The following UNC13C variants were observed in gnomAD, a reference collection of about 807,000 sequenced individuals.
The protein encoded by UNC13C is protein unc-13 homolog C.
UNC13C carries 174 observed loss-of-function variants against 245.4 expected under a neutral mutation model. The ratio of observed to expected loss-of-function variants is 0.71; its 90% CI spans 0.63 to 0.80. UNC13C has a LOEUF of 0.80. Ranked by LOEUF, UNC13C falls within the 30% of genes least tolerant of loss-of-function variation. The probability of loss-of-function intolerance (pLI) is 0.00; values close to 1 mark genes in which losing one functional copy is unlikely to be tolerated. For missense variants in UNC13C, 2,829 were observed against 2,602.9 expected (o/e 1.09, Z -1.89); for synonymous variants, 992 against 895.1 (o/e 1.11, Z -1.93).
At chr15:54,096,721 A>G (rs1897014) in intron 2 of UNC13C, among the ~76,000 whole-genome samples, 33,536 of 152,128 alleles carry the variant, frequency 0.22, 4,218 homozygotes, top group Admixed American at 0.28. Flanking sequence ...CCTGTCTTGT[A>G]CTCGTCTTCC....
chr15:54,567,367 T>C (rs1344679812), intron 29 of UNC13C, among the ~76,000 whole-genome samples: 4 of 152,106 alleles, frequency 2.6e-5, no homozygotes, highest in Admixed American at 2.6e-4. Flanking sequence ...ACCTAGAATC[T>C]CAAACTGGTA....
chr15:54,559,978 G>A (rs962954970), intron 29 of UNC13C, among the ~76,000 whole-genome samples: 8 of 151,848 alleles, frequency 5.3e-5, no homozygotes, highest in African/African-American at 1.5e-4. Context: ...TTTTATGGGC[G>A]GGAAGAACAT....
At chr15:54,301,463 G>T (rs561794481) in intron 13 of UNC13C, among the ~76,000 whole-genome samples, 18 of 151,934 alleles carry the variant, frequency 1.2e-4, no homozygotes, top group African/African-American at 3.9e-4. Flanking sequence ...AACAGGCCCC[G>T]GTGTGTGATG....
chr15:54,418,118 T>A (rs1282258868), intron 19 of UNC13C, among the ~76,000 whole-genome samples: 1 of 152,118 alleles, frequency 6.6e-6, no homozygotes. Context: ...CATATTGATA[T>A]TTGCACAACA....
the UNC13C span, among the ~76,000 whole-genome samples, chr15:53,891,956 T>G: frequency 9.6e-4 from 146 of 152,340 alleles, 1 homozygote; most frequent in African/African-American, 3.4e-3. Flanking sequence ...TTCGTAGTGT[T>G]GATGTTCTTT....
At chr15:53,870,023 A>G in the UNC13C span, among the ~76,000 whole-genome samples, 3 of 152,202 alleles carry the variant, frequency 2.0e-5, no homozygotes, top group Middle Eastern at 3.2e-3. Context: ...GAGCCTTCCA[A>G]GAAGATTTGT....
intron 4 of UNC13C, among the ~76,000 whole-genome samples, chr15:54,190,113 C>G (rs1190659644): frequency 6.6e-6 from 1 of 152,036 alleles, no homozygotes; most frequent in Non-Finnish European, 1.5e-5. Flanking sequence ...GTGTTTTGGT[C>G]CCTGCAGATG....
chr15:54,527,530 G>A (rs1261973352), intron 25 of UNC13C, among the ~76,000 whole-genome samples: 1 of 152,138 alleles, frequency 6.6e-6, no homozygotes, highest in Non-Finnish European at 1.5e-5. Flanking sequence ...CTGATGATAA[G>A]TGCTTTTTGT....
intron 2 of UNC13C, among the ~76,000 whole-genome samples, chr15:54,129,917 G>T (rs374934689): frequency 5.8e-5 from 7 of 121,196 alleles, no homozygotes; most frequent in African/African-American, 7.0e-5. Context: ...TTTATAATGT[G>T]TTTTTTTTTT....
intron 10 of UNC13C, among the ~76,000 whole-genome samples, chr15:54,282,357 T>C (rs961536440): frequency 6.6e-6 from 1 of 152,160 alleles, no homozygotes; most frequent in South Asian, 2.1e-4. Context: ...GCCAGACTTG[T>C]AGAAGGGGCG....
chr15:53,879,285 C>T, the UNC13C span, among the ~76,000 whole-genome samples: 1 of 152,086 alleles, frequency 6.6e-6, no homozygotes, highest in Non-Finnish European at 1.5e-5. Flanking sequence ...CCTGAGCCTC[C>T]TGAGTAGCTG....
intron 19 of UNC13C, among the ~76,000 whole-genome samples, chr15:54,455,410 C>T (rs1891463335): frequency 6.6e-6 from 1 of 150,394 alleles, no homozygotes; most frequent in Non-Finnish European, 1.5e-5. Context: ...GGTAGTTCTA[C>T]CTTTAGTTCT....
intron 19 of UNC13C, among the ~76,000 whole-genome samples, chr15:54,455,523 CT>C (rs376576049): frequency 0.15 from 18,480 of 126,768 alleles, 1,520 homozygotes; most frequent in African/African-American, 0.24. Context: ...CCAACATCTG[CT>C]TTTTTTTTTT....
chr15:53,850,949 G>A, the UNC13C span, among the ~76,000 whole-genome samples: 1 of 149,818 alleles, frequency 6.7e-6, no homozygotes, highest in Non-Finnish European at 1.5e-5. Flanking sequence ...CTTTACTTAT[G>A]CAGTGTCTAA....
intron 10 of UNC13C, among the ~76,000 whole-genome samples, chr15:54,290,835 A>C (rs557543052): frequency 6.6e-6 from 1 of 152,176 alleles, no homozygotes; most frequent in South Asian, 2.1e-4. Context: ...AGAGCTTGCT[A>C]TTTATTGTGC....
chr15:54,593,861 T>C (rs1259993332), intron 30 of UNC13C, among the ~76,000 whole-genome samples: 2 of 152,188 alleles, frequency 1.3e-5, no homozygotes, highest in African/African-American at 4.8e-5. Flanking sequence ...TTTAGATCCA[T>C]TGCTGGTGAA....
chr15:54,622,202 G>T, intron 30 of UNC13C, 125 bp from the exon 31 acceptor site: 1 of 670,236 alleles, frequency 1.5e-6, no homozygotes, highest in Non-Finnish European at 2.7e-6. Flanking sequence ...CACCTATTAC[G>T]CACTATTAAT....
At chr15:54,539,114 T>A (rs1896126677) in intron 26 of UNC13C, among the ~76,000 whole-genome samples, 1 of 152,116 alleles carries the variant, frequency 6.6e-6, no homozygotes, top group Admixed American at 6.6e-5. Flanking sequence ...AATATTTAAA[T>A]AGGTAAGGAT....
intron 7 of UNC13C, among the ~76,000 whole-genome samples, chr15:54,244,705 C>A (rs1405129124): frequency 6.6e-6 from 1 of 151,914 alleles, no homozygotes; most frequent in African/African-American, 2.4e-5. Context: ...TTAGTTGTAT[C>A]GCTAGGTATT....
Sources: gnomAD v4.1 joint callset for allele counts (sites outside exome capture counted in the v4.1 genomes callset) on GRCh38, gnomAD v4.1.1 for gene constraint, MANE v1.5 for transcripts, NCBI Gene and HGNC (gene_info 2026-07-23, HGNC 2026-07-21) for gene names.